CENPW: variants seen among roughly 807,000 people sequenced by gnomAD.
The protein encoded by CENPW is cancer-up-regulated gene 2 protein.
In CENPW, 3 loss-of-function variants were observed where a neutral mutation model predicts 11.1. That is an observed-to-expected ratio of 0.27 (90% confidence interval 0.12 to 0.70). The LOEUF (loss-of-function observed/expected upper bound fraction) is 0.70. Ranked by LOEUF, CENPW falls within the 30% of genes least tolerant of loss-of-function variation. CENPW has a pLI of 0.77. For synonymous variants in CENPW, 38 were observed against 42.0 expected, an observed-to-expected ratio of 0.91 and a Z score of 0.37; for missense variants, 100 against 105.6, an observed-to-expected ratio of 0.95 and a Z score of 0.23.
the CENPW span, among the ~76,000 whole-genome samples, chr6:126,369,142 T>C: frequency 1.3e-5 from 2 of 152,040 alleles, no homozygotes; most frequent in African/African-American, 2.4e-5. Context: ...TAGTATTCCA[T>C]GGTGTGTGTA....
At chr6:126,344,821 C>T (rs1019422643) in intron 1 of CENPW, among the ~76,000 whole-genome samples, 5 of 152,172 alleles carry the variant, frequency 3.3e-5, no homozygotes. Flanking sequence ...TAAAACACCA[C>T]ATTACTAGTT....
the CENPW span, among the ~76,000 whole-genome samples, chr6:126,452,803 G>A: frequency 2.0e-5 from 3 of 150,936 alleles, no homozygotes; most frequent in Non-Finnish European, 4.5e-5. Context: ...GCATGATGAA[G>A]CCAAATAAAT....
chr6:126,345,731 A>G (rs569930708), intron 1 of CENPW, among the ~76,000 whole-genome samples: 6 of 152,312 alleles, frequency 3.9e-5, no homozygotes, highest in Non-Finnish European at 1.5e-5. Flanking sequence ...AATTTCAACT[A>G]TTAACATGTT....
At chr6:126,381,001 C>A in the CENPW span, among the ~76,000 whole-genome samples, 1 of 152,128 alleles carries the variant, frequency 6.6e-6, no homozygotes, top group East Asian at 1.9e-4. Flanking sequence ...AAGAACCTCC[C>A]ACCCTTGATA....
chr6:126,441,037 A>G, the CENPW span, among the ~76,000 whole-genome samples: 1 of 151,448 alleles, frequency 6.6e-6, no homozygotes, highest in African/African-American at 2.4e-5. Context: ...CACTTCTCAG[A>G]ATCCTTTGCA....
the CENPW span, among the ~76,000 whole-genome samples, chr6:126,423,787 CT>C: frequency 8.0e-3 from 1,139 of 142,484 alleles, 14 homozygotes; most frequent in African/African-American, 0.028. Flanking sequence ...TAAGTTGTTA[CT>C]TTTTTTTTTC....
At chr6:126,360,946 C>T in the CENPW span, among the ~76,000 whole-genome samples, 20 of 152,296 alleles carry the variant, frequency 1.3e-4, 1 homozygote, top group East Asian at 3.7e-3. Flanking sequence ...ATGAACCATT[C>T]CTGGGGGAGT....
chr6:126,378,891 C>T, the CENPW span, among the ~76,000 whole-genome samples: 1 of 152,230 alleles, frequency 6.6e-6, no homozygotes, highest in East Asian at 1.9e-4. Flanking sequence ...AGATTAGCCA[C>T]TGGCATTGTA....
Position 126,348,507 on chromosome 6 carries a change from A to G in CENPW, c.*15A>G. ...GCAGAGGTTAGAAGTCAAAGAACATATTCTTGAAAGTTATGATGCATTCTT... is the reference window on the plus strand; with the variant it reads ...GCAGAGGTTAGAAGTCAAAGAACATGTTCTTGAAAGTTATGATGCATTCTT... On this transcript the variant is annotated 3_prime_UTR_variant, in exon 3 of 3. Transcript: ENST00000368328. 1 of 1,441,154 alleles carries G rather than the reference A, an allele frequency of 6.9e-7. No homozygotes were observed. The highest frequency in any genetic ancestry group is 9.7e-7 in the Non-Finnish European group (1 of 1,026,080). The allele number at this position is 1,441,154 out of a possible 1,614,324, so 89.3% of individuals were successfully genotyped here.
the CENPW span, among the ~76,000 whole-genome samples, chr6:126,410,316 T>A: frequency 1.3e-5 from 2 of 152,114 alleles, no homozygotes; most frequent in Non-Finnish European, 2.9e-5. Flanking sequence ...AAGTATATCA[T>A]CATATTTTCT....
chr6:126,396,415 T>C, the CENPW span, among the ~76,000 whole-genome samples: 1 of 152,148 alleles, frequency 6.6e-6, no homozygotes, highest in African/African-American at 2.4e-5. Context: ...TTGTGTTGAA[T>C]GCTGCTAGTC....
At chr6:126,455,115 A>T in the CENPW span, among the ~76,000 whole-genome samples, 1 of 151,356 alleles carries the variant, frequency 6.6e-6, no homozygotes, top group Non-Finnish European at 1.5e-5. Flanking sequence ...GACCAAATGG[A>T]TTTACAGCCA....
chr6:126,440,897 G>C, the CENPW span, among the ~76,000 whole-genome samples: 1 of 151,472 alleles, frequency 6.6e-6, no homozygotes, highest in Non-Finnish European at 1.5e-5. Flanking sequence ...TTGTATTAGA[G>C]AGGGAAAACA....
At chr6:126,420,420 A>G in the CENPW span, among the ~76,000 whole-genome samples, 1 of 152,166 alleles carries the variant, frequency 6.6e-6, no homozygotes, top group Non-Finnish European at 1.5e-5. Flanking sequence ...AAAATAAACT[A>G]CAAAATTAGG....
At chr6:126,393,755 T>TA in the CENPW span, among the ~76,000 whole-genome samples, 130 of 149,346 alleles carry the variant, frequency 8.7e-4, no homozygotes, top group African/African-American at 3.1e-3. Flanking sequence ...TATACATATA[T>TA]AAAAATTATA....
At chr6:126,427,595 C>G in the CENPW span, among the ~76,000 whole-genome samples, 2 of 152,150 alleles carry the variant, frequency 1.3e-5, no homozygotes, top group East Asian at 1.9e-4. Context: ...CTTCAGATAT[C>G]AACAAGAAAG....
downstream of CENPW, among the ~76,000 whole-genome samples, chr6:126,352,859 T>G (rs749335513): frequency 2.6e-5 from 4 of 152,126 alleles, no homozygotes; most frequent in Admixed American, 1.3e-4. Flanking sequence ...GCTTTTATTT[T>G]CTTTTGAATT....
chr6:126,441,701 A>C, the CENPW span, among the ~76,000 whole-genome samples: 1 of 151,488 alleles, frequency 6.6e-6, no homozygotes, highest in African/African-American at 2.4e-5. Context: ...GAGAATATAC[A>C]ATGTGTGGTT....
chr6:126,425,665 G>T, the CENPW span, among the ~76,000 whole-genome samples: 1 of 151,856 alleles, frequency 6.6e-6, no homozygotes, highest in African/African-American at 2.4e-5. Context: ...TAGCAAAAGA[G>T]CTTGGTGTTG....
Sources: allele counts gnomAD v4.1 joint callset (sites outside exome capture counted in the v4.1 genomes callset), GRCh38; gene constraint gnomAD v4.1.1; transcripts MANE v1.5; gene names NCBI Gene and HGNC (gene_info 2026-07-23, HGNC 2026-07-21).